The following ZNF423 variants were observed in gnomAD, a reference collection of about 807,000 sequenced individuals.
ZNF423 encodes Ebf-associated zinc finger protein.
Under a neutral mutation model 95.8 loss-of-function variants are expected in ZNF423, and 12 were observed. The ratio of observed to expected loss-of-function variants is 0.13; its 90% CI spans 0.08 to 0.20. The LOEUF (loss-of-function observed/expected upper bound fraction) is 0.20, where lower values mean the gene tolerates loss of function less well. Ranked by LOEUF, ZNF423 falls within the 10% of genes least tolerant of loss-of-function variation. The probability of loss-of-function intolerance (pLI) is 1.00; values close to 1 mark genes in which losing one functional copy is unlikely to be tolerated. For synonymous variants in ZNF423, 749 were observed against 711.9 expected, an observed-to-expected ratio of 1.05 and a Z score of -0.83; for missense variants, 1,316 against 1,737.1, an observed-to-expected ratio of 0.76 and a Z score of 4.31.
At chr16:49,639,050 T>C (rs1312873029) in intron 3 of ZNF423, among the ~76,000 whole-genome samples, 176 bp from the exon 4 acceptor site, 1 of 152,204 alleles carries the variant, frequency 6.6e-6, no homozygotes. Context: ...CCTTCCTGTC[T>C]GCAGAGGGCA....
intron 2 of ZNF423, among the ~76,000 whole-genome samples, chr16:49,737,356 G>GTCT (rs1485201866): frequency 6.6e-6 from 1 of 151,790 alleles, no homozygotes; most frequent in Non-Finnish European, 1.5e-5. Flanking sequence ...GGCAACCTCT[G>GTCT]TCTTCCAGGT....
chr16:49,738,777 A>C (rs2033349288), intron 2 of ZNF423, among the ~76,000 whole-genome samples: 1 of 151,868 alleles, frequency 6.6e-6, no homozygotes, highest in African/African-American at 2.4e-5. Flanking sequence ...AGGCTTCCCC[A>C]CCTCTCACTT....
chr16:49,653,311 C>CAAA (rs5816652), intron 3 of ZNF423, among the ~76,000 whole-genome samples: 17 of 99,154 alleles, frequency 1.7e-4, no homozygotes, highest in Non-Finnish European at 2.5e-4. Context: ...CAAGAACCAC[C>CAAA]AAAAAAAAAA....
chr16:49,537,906 C>T (rs1440945846), intron 5 of ZNF423, among the ~76,000 whole-genome samples: 3 of 152,294 alleles, frequency 2.0e-5, no homozygotes, highest in Admixed American at 1.3e-4. Flanking sequence ...TGGTGTGGGC[C>T]CAGCACACAG....
At chr16:49,824,096 T>G (rs1390116247) in intron 1 of ZNF423, among the ~76,000 whole-genome samples, 1 of 152,100 alleles carries the variant, frequency 6.6e-6, no homozygotes, top group Non-Finnish European at 1.5e-5. Flanking sequence ...TTTTTTTTAA[T>G]CCAAAAGGGT....
chr16:49,625,307 T>G (rs1347215408), intron 5 of ZNF423, among the ~76,000 whole-genome samples: 1 of 152,130 alleles, frequency 6.6e-6, no homozygotes, highest in Non-Finnish European at 1.5e-5. Flanking sequence ...GAGCAAAGAT[T>G]GCACCACTGC....
At chr16:49,584,286 T>C (rs538496322) in intron 5 of ZNF423, among the ~76,000 whole-genome samples, 3 of 152,298 alleles carry the variant, frequency 2.0e-5, no homozygotes, top group African/African-American at 7.2e-5. Flanking sequence ...AGAACGTCTA[T>C]CTAATCCCTT....
At chr16:49,566,746 G>C (rs1373430971) in intron 5 of ZNF423, among the ~76,000 whole-genome samples, 1 of 152,206 alleles carries the variant, frequency 6.6e-6, no homozygotes. Context: ...AGTGAGAAGG[G>C]AGACTAATGG....
rs942764460 is a variant in ZNF423, at chr16:49,487,950, C to A, written c.*3325G>T. ...GCTTTGCCATCACGGCACTCATGAC[C>A]AGGTGTGGCTATGCATTTACTGGCA... On this transcript the variant is annotated 3_prime_UTR_variant, in exon 8 of 8. Coordinates refer to ENST00000563137, the MANE Select transcript of ZNF423 (RefSeq NM_001379286.1). 1 of 152,254 alleles carries A rather than the reference C, an allele frequency of 6.6e-6. No individual in the cohort carries two copies. Among genetic ancestry groups the A allele is most frequent in the African/African-American group, 2.4e-5 (1 of 41,452 alleles). 9.4% of individuals were successfully genotyped at this position (152,254 alleles called of 1,614,324 possible).
chr16:49,811,372 G>A (rs536919593), intron 1 of ZNF423, among the ~76,000 whole-genome samples: 3 of 152,160 alleles, frequency 2.0e-5, no homozygotes, highest in African/African-American at 4.8e-5. Context: ...AGGGGAAATA[G>A]GTAGGTACCA....
At chr16:49,588,658 A>C (rs894553797) in intron 5 of ZNF423, among the ~76,000 whole-genome samples, 1 of 152,216 alleles carries the variant, frequency 6.6e-6, no homozygotes, top group Non-Finnish European at 1.5e-5. Flanking sequence ...ACTGTTTATA[A>C]CATGAGATGT....
At chr16:49,503,315 G>A (rs1967504259) in intron 7 of ZNF423, among the ~76,000 whole-genome samples, 2 of 152,130 alleles carry the variant, frequency 1.3e-5, no homozygotes, top group South Asian at 4.1e-4. Flanking sequence ...TCCTCGAGGA[G>A]GCAGAGCTGT....
At chr16:49,670,280 C>T (rs1000453564) in intron 3 of ZNF423, among the ~76,000 whole-genome samples, 1 of 152,212 alleles carries the variant, frequency 6.6e-6, no homozygotes, top group African/African-American at 2.4e-5. Flanking sequence ...TTCTCCCAGC[C>T]GCCAACCCTC....
At chr16:49,612,688 G>A (rs1971765685) in intron 5 of ZNF423, among the ~76,000 whole-genome samples, 1 of 151,966 alleles carries the variant, frequency 6.6e-6, no homozygotes, top group Non-Finnish European at 1.5e-5. Context: ...AGGGCAATAA[G>A]GCAAGAAAAG....
chr16:49,772,261 A>G (rs1452467174), intron 2 of ZNF423, among the ~76,000 whole-genome samples: 2 of 152,012 alleles, frequency 1.3e-5, no homozygotes, highest in African/African-American at 4.8e-5. Flanking sequence ...GAACAAATTC[A>G]CCCTTCTTTT....
At chr16:49,784,620 T>C (rs970597235) in intron 2 of ZNF423, among the ~76,000 whole-genome samples, 2 of 152,208 alleles carry the variant, frequency 1.3e-5, no homozygotes, top group Non-Finnish European at 2.9e-5. Context: ...ATGACTCCAC[T>C]GACAGGATGT....
chr16:49,594,775 A>G (rs1029938723), intron 5 of ZNF423, among the ~76,000 whole-genome samples: 1 of 152,150 alleles, frequency 6.6e-6, no homozygotes, highest in African/African-American at 2.4e-5. Context: ...CACAAATTAG[A>G]GCACACACGG....
chr16:49,558,766 C>G (rs1310534895), intron 5 of ZNF423, among the ~76,000 whole-genome samples: 1 of 152,238 alleles, frequency 6.6e-6, no homozygotes, highest in Non-Finnish European at 1.5e-5. Flanking sequence ...ATTTGACAAC[C>G]TTTCAACCTC....
intron 3 of ZNF423, among the ~76,000 whole-genome samples, chr16:49,709,537 C>G (rs540687009): frequency 1.8e-4 from 28 of 152,276 alleles, no homozygotes; most frequent in African/African-American, 6.5e-4. Context: ...CAGCAGCTCT[C>G]AGCCAGGGGC....
Sources: allele counts gnomAD v4.1 joint callset (sites outside exome capture counted in the v4.1 genomes callset), GRCh38; gene constraint gnomAD v4.1.1; transcripts MANE v1.5; gene names NCBI Gene and HGNC (gene_info 2026-07-23, HGNC 2026-07-21).